The following STK33 variants were observed in gnomAD, a reference collection of about 807,000 sequenced individuals.
STK33 encodes the protein serine/threonine kinase 33.
STK33 carries 52 observed loss-of-function variants against 58.0 expected under a neutral mutation model. The observed-to-expected ratio is 0.90, with a 90% confidence interval of 0.72 to 1.13. The LOEUF (loss-of-function observed/expected upper bound fraction) is 1.13, where lower values mean the gene tolerates loss of function less well. STK33 is among the 50% of genes most tolerant of loss of function. The pLI is 0.00. For synonymous variants in STK33, 215 were observed against 200.1 expected, an observed-to-expected ratio of 1.07 and a Z score of -0.63; for missense variants, 630 against 604.2, an observed-to-expected ratio of 1.04 and a Z score of -0.45.
the STK33 span, among the ~76,000 whole-genome samples, chr11:8,377,142 C>A: frequency 6.6e-6 from 1 of 152,218 alleles, no homozygotes; most frequent in South Asian, 2.1e-4. Context: ...AACCAAGACA[C>A]AGCCAAAGCA....
intron 6 of STK33, chr11:8,466,388 T>C (rs565344918): frequency 6.6e-6 from 1 of 152,140 alleles, no homozygotes; most frequent in African/African-American, 2.4e-5. Context: ...ATGGGAGAAA[T>C]TGGCCAAAAC....
At chr11:8,551,596 G>C (rs1225349976) in intron 1 of STK33, among the ~76,000 whole-genome samples, 1 of 152,174 alleles carries the variant, frequency 6.6e-6, no homozygotes, top group Admixed American at 6.5e-5. Flanking sequence ...ACCTCTCCTA[G>C]TTTTTACAGG....
At chr11:8,437,732 T>G (rs1944257222) in intron 12 of STK33, among the ~76,000 whole-genome samples, 1 of 152,212 alleles carries the variant, frequency 6.6e-6, no homozygotes, top group South Asian at 2.1e-4. Context: ...ATGATGATGA[T>G]TATGATGACT....
chr11:8,421,882 GAGT>G (rs1399343113), intron 14 of STK33, among the ~76,000 whole-genome samples: 2 of 152,056 alleles, frequency 1.3e-5, no homozygotes, highest in Non-Finnish European at 2.9e-5. Context: ...AGTTGCTAAT[GAGT>G]AGAAGTGCAA....
At chr11:8,379,693 C>T in the STK33 span, among the ~76,000 whole-genome samples, 26 of 152,166 alleles carry the variant, frequency 1.7e-4, no homozygotes, top group African/African-American at 5.8e-4. Context: ...GTGTCATGGG[C>T]GCTTTGTTGT....
At chr11:8,417,786 T>A (rs1941337883) in intron 14 of STK33, among the ~76,000 whole-genome samples, 1 of 152,086 alleles carries the variant, frequency 6.6e-6, no homozygotes, top group Non-Finnish European at 1.5e-5. Context: ...TAGACAAAAA[T>A]TTAAGTTTGA....
At chr11:8,415,494 A>C (rs1218198656) in intron 14 of STK33, among the ~76,000 whole-genome samples, 2 of 152,132 alleles carry the variant, frequency 1.3e-5, no homozygotes, top group African/African-American at 4.8e-5. Flanking sequence ...TGAACTGGTA[A>C]TTACAGAAGC....
At chr11:8,357,165 C>A in the STK33 span, among the ~76,000 whole-genome samples, 1 of 152,274 alleles carries the variant, frequency 6.6e-6, no homozygotes, top group African/African-American at 2.4e-5. Flanking sequence ...AATTACAGCT[C>A]TTCAAGTTTC....
intron 1 of STK33, among the ~76,000 whole-genome samples, chr11:8,581,303 C>T (rs1181129891): frequency 3.3e-5 from 5 of 152,060 alleles, no homozygotes; most frequent in African/African-American, 1.2e-4. Flanking sequence ...TATATTTCTG[C>T]ATATGAGATA....
intron 1 of STK33, among the ~76,000 whole-genome samples, chr11:8,508,111 A>G (rs7935361): frequency 0.26 from 40,042 of 151,626 alleles, 5,427 homozygotes; most frequent in South Asian, 0.34. Context: ...GGCTGGTCTT[A>G]AACTCCTGAC....
chr11:8,560,371 T>A lies in STK33; in HGVS notation c.-466+33712A>T, dbSNP rs1315451069. 2.6e-5 allele frequency among the ~76,000 whole-genome samples: 4 copies of A among 152,052 alleles called. No individual in the cohort carries two copies. The East Asian group carries it at 7.7e-4, about 29-fold the overall frequency. On this transcript the variant is annotated intron_variant, in intron 1 of 15. Coordinates refer to ENST00000687296, the MANE Select transcript of STK33 (RefSeq NM_001352389.2). ...AAATGAGGCTAAGTATTTTTTCAAA[T>A]TTTTTTTCTGTAAAATATCTGTTCA...
At chr11:8,388,375 C>T (rs1013906757), downstream of STK33, among the ~76,000 whole-genome samples, 5 of 152,198 alleles carry the variant, frequency 3.3e-5, no homozygotes, top group African/African-American at 7.2e-5. Context: ...GCAAGACAGC[C>T]GCAGATGCGG....
the STK33 span, among the ~76,000 whole-genome samples, chr11:8,365,873 C>T: frequency 6.6e-6 from 1 of 152,188 alleles, no homozygotes; most frequent in Non-Finnish European, 1.5e-5. Flanking sequence ...GGAACTCGGG[C>T]TTCAGCACCC....
At chr11:8,358,350 C>A in the STK33 span, among the ~76,000 whole-genome samples, 1 of 152,238 alleles carries the variant, frequency 6.6e-6, no homozygotes, top group Non-Finnish European at 1.5e-5. Context: ...GCTGCATAGA[C>A]TCCCTTAGCC....
chr11:8,558,639 A>G (rs1033544976), intron 1 of STK33, among the ~76,000 whole-genome samples: 11 of 152,168 alleles, frequency 7.2e-5, no homozygotes, highest in Non-Finnish European at 1.5e-4. Context: ...GGTGTGGCTC[A>G]TAACTTGTGG....
At chr11:8,483,683 T>C (rs1377893266) in intron 1 of STK33, among the ~76,000 whole-genome samples, 1 of 152,114 alleles carries the variant, frequency 6.6e-6, no homozygotes, top group East Asian at 1.9e-4. Flanking sequence ...CTAAAGAGCA[T>C]CAAGAATAGG....
At chr11:8,369,046 G>A in the STK33 span, among the ~76,000 whole-genome samples, 8 of 152,236 alleles carry the variant, frequency 5.3e-5, no homozygotes, top group South Asian at 1.0e-3. Flanking sequence ...GAAGGGTCGC[G>A]ATACACATCT....
chr11:8,364,931 C>A, the STK33 span, among the ~76,000 whole-genome samples: 1 of 149,690 alleles, frequency 6.7e-6, no homozygotes, highest in Non-Finnish European at 1.5e-5. Flanking sequence ...TTCATGTGAC[C>A]CCCCCCGCCC....
chr11:8,515,068 A>G (rs1479834562), intron 1 of STK33, among the ~76,000 whole-genome samples: 1 of 152,204 alleles, frequency 6.6e-6, no homozygotes, highest in Non-Finnish European at 1.5e-5. Flanking sequence ...AAGAGAAGTC[A>G]GAAAAATGAA....
Sources: allele counts gnomAD v4.1 joint callset (sites outside exome capture counted in the v4.1 genomes callset), GRCh38; gene constraint gnomAD v4.1.1; transcripts MANE v1.5; gene names NCBI Gene and HGNC (gene_info 2026-07-23, HGNC 2026-07-21).